Variants in CR1 observed in about 807,000 individuals in gnomAD.
CR1 encodes the protein complement C3b/C4b receptor 1 (Knops blood group).
CR1 carries 116 observed loss-of-function variants against 187.3 expected under a neutral mutation model. The observed-to-expected ratio is 0.62, with a 90% CI of 0.53 to 0.72. The LOEUF (loss-of-function observed/expected upper bound fraction) is 0.72, where lower values mean the gene tolerates loss of function less well. CR1 is among the 30% of genes least tolerant of loss of function. CR1 has a pLI of 0.00. For synonymous variants in CR1, 576 were observed against 747.1 expected (o/e 0.77, Z 3.73); for missense variants, 1,731 against 2,110.7 (o/e 0.82, Z 3.52).
chr1:207,568,078 A>G (rs773167453), intron 25 of CR1, 36 bp downstream of exon 25: 2 of 1,610,798 alleles, frequency 1.2e-6, no homozygotes, highest in Non-Finnish European at 1.7e-6. Flanking sequence ...TAATGGGTTC[A>G]GAATATCTAA....
At chr1:207,579,469 A>G (rs1247935312) in intron 29 of CR1, among the ~76,000 whole-genome samples, 1 of 152,188 alleles carries the variant, frequency 6.6e-6, no homozygotes, top group Non-Finnish European at 1.5e-5. Context: ...TGGCCCAGAC[A>G]GGATGAAGTG....
chr1:207,588,227 G>A (rs1033793709), intron 34 of CR1, among the ~76,000 whole-genome samples: 11 of 152,104 alleles, frequency 7.2e-5, no homozygotes, highest in African/African-American at 1.7e-4. Context: ...CACCCAGGCC[G>A]GAGTGTAGTG....
At chr1:207,505,185 G>T (rs1388636127) in intron 1 of CR1, among the ~76,000 whole-genome samples, 1 of 152,144 alleles carries the variant, frequency 6.6e-6, no homozygotes, top group Non-Finnish European at 1.5e-5. Context: ...ATGGAATCTT[G>T]CTCTGTCACC....
intron 4 of CR1, among the ~76,000 whole-genome samples, chr1:207,520,952 T>C (rs1445618592): frequency 1.4e-5 from 2 of 142,724 alleles, no homozygotes; most frequent in Non-Finnish European, 3.0e-5. Context: ...GTTTGCACAT[T>C]TTTTTTTTTT....
intron 42 of CR1, among the ~76,000 whole-genome samples, chr1:207,619,325 G>T (rs1662242347): frequency 6.9e-6 from 1 of 145,042 alleles, no homozygotes; most frequent in Non-Finnish European, 1.5e-5. Context: ...AGAGGTTGCT[G>T]TGAGCCCAGA....
At chr1:207,518,710 T>A (rs1056058150) in intron 4 of CR1, among the ~76,000 whole-genome samples, 1 of 152,196 alleles carries the variant, frequency 6.6e-6, no homozygotes, top group Non-Finnish European at 1.5e-5. Context: ...TCTCATCGCC[T>A]TCTCCTCTGT....
intron 24 of CR1, among the ~76,000 whole-genome samples, chr1:207,566,409 A>T (rs573196215): frequency 6.7e-6 from 1 of 150,168 alleles, no homozygotes; most frequent in East Asian, 1.9e-4. Flanking sequence ...GCTTTATTTA[A>T]TCAATATTTA....
intron 35 of CR1, among the ~76,000 whole-genome samples, chr1:207,603,079 T>G (rs1661650436): frequency 6.6e-6 from 1 of 152,154 alleles, no homozygotes; most frequent in Non-Finnish European, 1.5e-5. Context: ...GCAAATTTAA[T>G]GTAATCAGTT....
At chr1:207,581,362 A>G (rs115985355) in intron 31 of CR1, among the ~76,000 whole-genome samples, 2,342 of 134,558 alleles carry the variant, frequency 0.017, 46 homozygotes, top group African/African-American at 0.08. Flanking sequence ...ACATGTCCAT[A>G]TGTATACGTA....
intron 35 of CR1, among the ~76,000 whole-genome samples, chr1:207,596,495 T>C (rs955517972): frequency 1.3e-5 from 2 of 151,948 alleles, no homozygotes; most frequent in Non-Finnish European, 2.9e-5. Flanking sequence ...ATGCCTGTAA[T>C]CCCAGCTACT....
In CR1 at chr1:207,578,230, C is replaced by G. The variant is rs745511420; in HGVS notation, c.4936+27C>G. ...TGAGTCTGACTGATGCCTAGAAGGGCCCTGCCAGTGACATGTGTTGCTGTT... is the reference window on the plus strand; with the variant it reads ...TGAGTCTGACTGATGCCTAGAAGGGGCCTGCCAGTGACATGTGTTGCTGTT... On this transcript the variant is annotated intron_variant, in intron 29 of 46. Transcript: ENST00000367049. The G allele has an allele frequency of 1.4e-5, 23 of 1,611,718 alleles. 1 individual carries two copies. Among genetic ancestry groups the G allele is most frequent in the Non-Finnish European group, 1.9e-5 (23 of 1,179,698 alleles).
intron 1 of CR1, among the ~76,000 whole-genome samples, chr1:207,503,482 G>C (rs535482187): frequency 3.3e-5 from 5 of 152,126 alleles, no homozygotes; most frequent in African/African-American, 1.2e-4. Flanking sequence ...GGGAGCAGGG[G>C]TTTTCTTGCT....
Position 207,624,426 on chromosome 1 carries a change from T to A in CR1, c.7352+1358T>A, listed in dbSNP as rs551843938. ...TTCTATACCCATAGAAAAACTGAAT[T>A]TGTAACTTTTAAGTGAACGGTTTTC... On this transcript the variant is annotated intron_variant, in intron 45 of 46. Transcript: ENST00000367049. Among the ~76,000 whole-genome samples the A allele has an allele frequency of 1.0e-3, 159 of 152,286 alleles. 3 individuals carry two copies. The South Asian group carries it at 0.032, about 31-fold the overall frequency.
At chr1:207,577,134 C>T (rs1330472594) in intron 28 of CR1, among the ~76,000 whole-genome samples, 1 of 151,846 alleles carries the variant, frequency 6.6e-6, no homozygotes, top group Non-Finnish European at 1.5e-5. Context: ...GCCTGTAATC[C>T]CAGCTACTCA....
At chr1:207,600,870 C>A (rs994904035) in intron 35 of CR1, 1 of 152,006 alleles carries the variant, frequency 6.6e-6, no homozygotes, top group Non-Finnish European at 1.5e-5. Flanking sequence ...AATGGTAAGC[C>A]TTACATTATT....
At chr1:207,512,032 C>T (rs922651683) in intron 4 of CR1, among the ~76,000 whole-genome samples, 1 of 134,036 alleles carries the variant, frequency 7.5e-6, no homozygotes, top group Admixed American at 7.5e-5. Context: ...CCTGGACTCT[C>T]ATGTACCACG....
intron 39 of CR1, among the ~76,000 whole-genome samples, chr1:207,613,313 C>T (rs1047850436): frequency 6.6e-6 from 1 of 152,112 alleles, no homozygotes; most frequent in Non-Finnish European, 1.5e-5. Context: ...AATGGGGAGC[C>T]TGTGCTGATT....
chr1:207,589,491 A>T (rs1661207054), intron 35 of CR1, among the ~76,000 whole-genome samples: 1 of 152,248 alleles, frequency 6.6e-6, no homozygotes, highest in African/African-American at 2.4e-5. Context: ...AGATAAATCC[A>T]CGAAGATGAG....
intron 4 of CR1, among the ~76,000 whole-genome samples, chr1:207,520,968 G>GTTTTTTTTTTTTTTTTTTTTT (rs141546660): frequency 4.5e-5 from 2 of 44,568 alleles, no homozygotes; most frequent in Non-Finnish European, 7.6e-5. Context: ...TTTTTTGGTT[G>GTTTTTTTTTTTTTTTTTTTTT]TTTTTTTTTT....
Sources: allele counts gnomAD v4.1 joint callset (sites outside exome capture counted in the v4.1 genomes callset), GRCh38; gene constraint gnomAD v4.1.1; transcripts MANE v1.5; gene names NCBI Gene and HGNC (gene_info 2026-07-23, HGNC 2026-07-21).